Variants in PPFIA2 observed in about 807,000 individuals in gnomAD.
PPFIA2 encodes the protein PPFI scaffold protein A2.
PPFIA2 carries 46 observed loss-of-function variants against 175.5 expected under a neutral mutation model. The observed-to-expected ratio is 0.26, with a 90% CI of 0.21 to 0.34. The LOEUF is 0.34. PPFIA2 is among the 10% of genes least tolerant of loss of function. PPFIA2 has a pLI of 1.00. For synonymous variants in PPFIA2, 568 were observed against 511.4 expected (o/e 1.11, Z -1.49); for missense variants, 1,179 against 1,506.1 (o/e 0.78, Z 3.60).
At chr12:81,655,212 C>T (rs1042950359) in intron 4 of PPFIA2, among the ~76,000 whole-genome samples, 1 of 151,686 alleles carries the variant, frequency 6.6e-6, no homozygotes, top group Non-Finnish European at 1.5e-5. Flanking sequence ...TTGATGAACC[C>T]GCCAGAGAGT....
intron 4 of PPFIA2, among the ~76,000 whole-genome samples, chr12:81,582,104 T>C (rs2074506193): frequency 6.6e-6 from 1 of 151,916 alleles, no homozygotes; most frequent in Non-Finnish European, 1.5e-5. Flanking sequence ...TAAGATTCCA[T>C]TTTTAATGAT....
rs541795802 is a variant in PPFIA2 at position 81,301,595 on chromosome 12, T to C, written c.2643-2213A>G. ...TTCATAACTCTCCAATCACTTCCTGTCTCACTGGAAATAAAAGCCAAAACA... is the reference window on the plus strand; with the variant it reads ...TTCATAACTCTCCAATCACTTCCTGCCTCACTGGAAATAAAAGCCAAAACA... On this transcript the variant is annotated intron_variant, in intron 22 of 32. Transcript: ENST00000549396. Among the ~76,000 whole-genome samples the C allele has an allele frequency of 6.6e-5, 10 of 152,290 alleles. No individual in the cohort carries two copies. In the South Asian group the frequency reaches 8.3e-4, roughly 13 times the overall value.
intron 3 of PPFIA2, among the ~76,000 whole-genome samples, chr12:81,681,507 C>T (rs1567844279): frequency 6.6e-6 from 1 of 151,966 alleles, no homozygotes; most frequent in Non-Finnish European, 1.5e-5. Context: ...TTAGGGCATT[C>T]TCAGACTTGA....
intron 4 of PPFIA2, among the ~76,000 whole-genome samples, chr12:81,665,432 T>C (rs2069986221): frequency 6.6e-6 from 1 of 152,068 alleles, no homozygotes; most frequent in Admixed American, 6.6e-5. Flanking sequence ...TTTAGGTCTT[T>C]CAGGTGTTAG....
rs368240901 is a variant in PPFIA2, at chr12:81,369,475, G to A, written c.1267-281C>T. Reference sequence around the variant, plus strand: ...CTGTGCATGGTTTGAACACAAACCTGCCATTGTCCAATCTTAAGCTCCTGA... The same window carrying A: ...CTGTGCATGGTTTGAACACAAACCTACCATTGTCCAATCTTAAGCTCCTGA... On this transcript the variant is annotated intron_variant, in intron 11 of 32. Coordinates refer to ENST00000549396, the MANE Select transcript of PPFIA2 (RefSeq NM_003625.5). 3.8e-5 allele frequency: 47 copies of A among 1,235,140 alleles called. No homozygotes were observed. The East Asian group carries it at 2.0e-3, about 53-fold the overall frequency. The allele number at this position is 1,235,140 out of a possible 1,614,324, so 76.5% of individuals were successfully genotyped here.
At chr12:81,686,398 A>G (rs1922403) in intron 3 of PPFIA2, among the ~76,000 whole-genome samples, 43,557 of 151,978 alleles carry the variant, frequency 0.29, 9,313 homozygotes, top group African/African-American at 0.6. Flanking sequence ...AAGTGTTTCA[A>G]TAGTGCATAA....
At chr12:81,504,860 C>A (rs543932902) in intron 4 of PPFIA2, among the ~76,000 whole-genome samples, 19 of 152,042 alleles carry the variant, frequency 1.2e-4, no homozygotes, top group Admixed American at 2.0e-4. Flanking sequence ...TGGATGAAGC[C>A]GGAAACCATC....
At chr12:81,756,856 C>T (rs1363140749) in intron 2 of PPFIA2, among the ~76,000 whole-genome samples, 5 of 152,064 alleles carry the variant, frequency 3.3e-5, no homozygotes, top group Non-Finnish European at 5.9e-5. Context: ...CTAGTAGATA[C>T]TTTTGAACTC....
At chr12:81,261,370 C>T (rs1437920437) in intron 32 of PPFIA2, among the ~76,000 whole-genome samples, 1 of 152,158 alleles carries the variant, frequency 6.6e-6, no homozygotes, top group Non-Finnish European at 1.5e-5. Context: ...GAGTGCAACA[C>T]CATGCCTGGC....
At chr12:81,545,709 G>C (rs1461703853) in intron 4 of PPFIA2, 1 of 152,192 alleles carries the variant, frequency 6.6e-6, no homozygotes, top group East Asian at 1.9e-4. Context: ...ACAATACTCA[G>C]AATATGGTGG....
intron 3 of PPFIA2, among the ~76,000 whole-genome samples, chr12:81,687,121 C>T (rs923721298): frequency 6.6e-6 from 1 of 151,994 alleles, no homozygotes; most frequent in Non-Finnish European, 1.5e-5. Flanking sequence ...AGAACCACTA[C>T]CCCAGAGTGA....
At chr12:81,328,694 G>T (rs1416844104) in intron 21 of PPFIA2, among the ~76,000 whole-genome samples, 2 of 152,150 alleles carry the variant, frequency 1.3e-5, no homozygotes, top group African/African-American at 4.8e-5. Flanking sequence ...GTATGTTGAG[G>T]GAGGGTGCAT....
chr12:81,297,365 G>A (rs1343660), intron 23 of PPFIA2, among the ~76,000 whole-genome samples: 1 of 151,716 alleles, frequency 6.6e-6, no homozygotes, highest in Admixed American at 6.6e-5. Context: ...CCTTTTAGTT[G>A]AAAAATTCTA....
chr12:81,667,325 T>C (rs983188374), intron 4 of PPFIA2, among the ~76,000 whole-genome samples: 3 of 152,144 alleles, frequency 2.0e-5, no homozygotes, highest in African/African-American at 7.2e-5. Context: ...AATGGCTTCA[T>C]AGGTTGCACC....
chr12:81,593,618 C>G (rs2058922152), intron 4 of PPFIA2, among the ~76,000 whole-genome samples: 2 of 152,098 alleles, frequency 1.3e-5, no homozygotes, highest in South Asian at 2.1e-4. Context: ...GCAGTATGAA[C>G]AAATAAAGAG....
At chr12:81,557,241 ATAT>A (rs959795173) in intron 4 of PPFIA2, among the ~76,000 whole-genome samples, 3 of 151,814 alleles carry the variant, frequency 2.0e-5, no homozygotes, top group African/African-American at 7.2e-5. Context: ...AAAAATACAG[ATAT>A]TATACGTATG....
intron 4 of PPFIA2, among the ~76,000 whole-genome samples, chr12:81,475,048 T>C (rs2057304601): frequency 6.6e-6 from 1 of 152,244 alleles, no homozygotes; most frequent in South Asian, 2.1e-4. Flanking sequence ...TTCATACTAC[T>C]CTTTCTTTGA....
At chr12:81,344,572 A>C in intron 19 of PPFIA2, 92 bp downstream of exon 19, 1 of 902,970 alleles carries the variant, frequency 1.1e-6, no homozygotes, top group East Asian at 2.7e-5. Context: ...TTAATGTTTT[A>C]TCAACATTCG....
chr12:81,570,482 G>A (rs1004264519), intron 4 of PPFIA2, among the ~76,000 whole-genome samples: 18 of 151,982 alleles, frequency 1.2e-4, no homozygotes, highest in African/African-American at 4.3e-4. Context: ...AGTAAGGGCT[G>A]CTGCTATTTT....
Sources: allele counts gnomAD v4.1 joint callset (sites outside exome capture counted in the v4.1 genomes callset), GRCh38; gene constraint gnomAD v4.1.1; transcripts MANE v1.5; gene names NCBI Gene and HGNC (gene_info 2026-07-23, HGNC 2026-07-21).